The following GDF10 variants were observed in gnomAD, a reference collection of about 807,000 sequenced individuals.
GDF10 encodes the protein growth/differentiation factor 10.
In GDF10, 23 loss-of-function variants were observed where a neutral mutation model predicts 32.1. The ratio of observed to expected loss-of-function variants is 0.72; its 90% confidence interval spans 0.52 to 1.02. GDF10 has a LOEUF of 1.02. Ranked by LOEUF, GDF10 falls within the 50% of genes least tolerant of loss-of-function variation. The pLI, the probability that GDF10 is intolerant of heterozygous loss-of-function variation, is 0.00. For missense variants in GDF10, 764 were observed against 673.9 expected, an observed-to-expected ratio of 1.13 and a Z score of -1.48; for synonymous variants, 328 against 303.1, an observed-to-expected ratio of 1.08 and a Z score of -0.85.
chr10:47,304,407 G>GGAA (rs2061015710), intron 1 of GDF10, among the ~76,000 whole-genome samples: 1 of 151,846 alleles, frequency 6.6e-6, no homozygotes, highest in South Asian at 2.1e-4. Flanking sequence ...GAGAGAGGGA[G>GGAA]GAAGAGGAGA....
In GDF10 at chr10:47,308,661, T is replaced by C. The variant is rs2061031817; in HGVS notation, c.320-1135T>C. On this transcript the variant is annotated intron_variant, in intron 1 of 2. Coordinates refer to ENST00000580279, the MANE Select transcript of GDF10 (RefSeq NM_004962.5). ...GTCCCCCACACACACTTCCCGGGCT[T>C]GGGAGCCCTGCTCCTCTCCAGACGT... 2.0e-5 allele frequency among the ~76,000 whole-genome samples: 3 copies of C among 152,222 alleles called. No homozygotes were observed. The South Asian group carries it at 6.2e-4, about 32-fold the overall frequency.
Position 47,310,143 on chromosome 10 carries a change from G to A in GDF10, c.667G>A (p.Ala223Thr), listed in dbSNP as rs782399033. The A allele has an allele frequency of 1.2e-5, 19 of 1,611,576 alleles. No homozygotes were observed. The East Asian group carries it at 3.6e-4, about 30-fold the overall frequency. ...ARRDGELLLS[A>T]QLDSEERDPG... ...CCGGGATGGCGAGCTGCTCCTCTCCGCCCAGCTGGATTCTGAGGAGAGGGA... is the reference window on the plus strand; with the variant it reads ...CCGGGATGGCGAGCTGCTCCTCTCCACCCAGCTGGATTCTGAGGAGAGGGA... Residue 223 changes from alanine (A) to threonine (T), a missense_variant, in exon 2 of 3, where the codon GCC becomes ACC. Transcript: ENST00000580279.
In GDF10 at chr10:47,300,419, C is replaced by G. The variant is rs868943726; in HGVS notation, c.-233C>G. On this transcript the variant is annotated 5_prime_UTR_variant, in exon 1 of 3. Transcript: ENST00000580279. ...GGGCTCGGCTCGGCTCTGCGCTGCTCCGGACGGCTGTGACCGCTGGCCGGG... is the reference window on the plus strand; with the variant it reads ...GGGCTCGGCTCGGCTCTGCGCTGCTGCGGACGGCTGTGACCGCTGGCCGGG... 134 of 482,456 alleles carry G rather than the reference C, an allele frequency of 2.8e-4. 1 individual carries two copies. Among genetic ancestry groups the G allele is most frequent in the Middle Eastern group, 2.7e-3 (5 of 1,856 alleles). The allele number at this position is 482,456 out of a possible 1,614,324, so 29.9% of individuals were successfully genotyped here.
intron 1 of GDF10, among the ~76,000 whole-genome samples, chr10:47,302,923 T>C (rs1397842880): frequency 6.6e-6 from 1 of 152,248 alleles, no homozygotes; most frequent in Admixed American, 6.5e-5. Flanking sequence ...CTACCAGGTG[T>C]GTGCAGTGGC....
Position 47,312,681 on chromosome 10 carries a change from C to T in GDF10, c.1326C>T (p.Cys442=), listed in dbSNP as rs2061050980. ...VGIIPGIPEP[C]CVPDKMNSLG... ...TCATCCCTGGCATCCCAGAGCCCTG[C>T]TGTGTTCCCGATAAGATGAACTCCC... The change falls in exon 3 of 3, where the codon TGC becomes TGT. Residue 442 remains cysteine, a synonymous_variant. Coordinates refer to ENST00000580279, the MANE Select transcript of GDF10 (RefSeq NM_004962.5). 1 of 1,610,740 alleles carries T rather than the reference C, an allele frequency of 6.2e-7. No homozygotes were observed.
rs1203828044 is a variant in GDF10, at chr10:47,313,376, C to T, written c.*584C>T. ...ACAACAAAAAGGGAGGGCGTTGACA[C>T]CATTCCCCACAGAGATAGTCATGCT... On this transcript the variant is annotated 3_prime_UTR_variant, in exon 3 of 3. Coordinates refer to ENST00000580279, the MANE Select transcript of GDF10 (RefSeq NM_004962.5). 3 of 152,386 alleles carry T rather than the reference C, an allele frequency of 2.0e-5. No homozygotes were observed. The highest frequency in any genetic ancestry group is 7.2e-5 in the African/African-American group (3 of 41,390). 9.4% of individuals were successfully genotyped at this position (152,386 alleles called of 1,614,324 possible). A position where few individuals can be genotyped will look rare whatever the true frequency, so the allele number is the denominator to read the frequency against.
Position 47,312,887 on chromosome 10 carries a change from C to T in GDF10, c.*95C>T. On this transcript the variant is annotated 3_prime_UTR_variant, in exon 3 of 3. Coordinates refer to ENST00000580279, the MANE Select transcript of GDF10 (RefSeq NM_004962.5). ...TTGTGGTGCAGCTGCAGACACAGAG[C>T]ACAGCTCATGGGCAACATCACTGGG... 1.3e-6 allele frequency: 1 copy of T among 767,382 alleles called. No homozygotes were observed. The highest frequency in any genetic ancestry group is 2.2e-5 in the South Asian group (1 of 45,862). The allele number at this position is 767,382 out of a possible 1,614,324, so 47.5% of individuals were successfully genotyped here. A position where few individuals can be genotyped will look rare whatever the true frequency, so the allele number is the denominator to read the frequency against.
chr10:47,300,773 C>A lies in GDF10; in HGVS notation c.122C>A (p.Ser41Tyr), dbSNP rs45476393. 1 of 1,568,838 alleles carries A rather than the reference C, an allele frequency of 6.4e-7. No homozygotes were observed. The change falls in exon 1 of 3, where the codon TCC becomes TAC. Residue 41 changes from serine to tyrosine, a missense_variant. Physicochemically the swap from Ser to Tyr is moderately radical, Grantham distance 144. Coordinates refer to ENST00000580279, the MANE Select transcript of GDF10 (RefSeq NM_004962.5). ...GGCAGCCACAGGGCCCCCGCCTGGT[C>A]CGCACTGCCCGCGGCCGCCGACGGC... Reference protein sequence around the residue: ...VAGSHRAPAWSALPAAADGLQ... With the variant: ...VAGSHRAPAWYALPAAADGLQ...
At chr10:47,301,071 C>A (rs1322132886) in intron 1 of GDF10, 101 bp downstream of exon 1, 1 of 745,546 alleles carries the variant, frequency 1.3e-6, no homozygotes, top group Non-Finnish European at 2.0e-6. Flanking sequence ...TTCTAGCCAA[C>A]GGGTGAGTGG....
In GDF10 at chr10:47,310,324, C is replaced by T. The variant is rs2061040198; in HGVS notation, c.848C>T (p.Ser283Leu). 1.2e-6 allele frequency: 2 copies of T among 1,606,770 alleles called. No homozygotes were observed. Among genetic ancestry groups the T allele is most frequent in the Non-Finnish European group, 8.5e-7 (1 of 1,177,214 alleles). The change falls in exon 2 of 3, where the codon TCA becomes TTA. Residue 283 changes from serine to leucine, a missense_variant. Coordinates refer to ENST00000580279, the MANE Select transcript of GDF10 (RefSeq NM_004962.5). ...DPEPRAAPNN[S>L]ADPRVRRAAQ... ...GAGCCCCGCGCAGCCCCCAACAACT[C>T]AGCGGACCCCCGCGTGCGCCGAGCC...
rs1555207531 is a variant in GDF10 at position 47,310,128 on chromosome 10, G to A, written c.652G>A (p.Glu218Lys). The change falls in exon 2 of 3, where the codon GAG becomes AAG. Residue 218 changes from glutamate to lysine, a missense_variant. Coordinates refer to ENST00000580279, the MANE Select transcript of GDF10 (RefSeq NM_004962.5). ...CGTCAAGGCGGCCCGCCGGGATGGC[G>A]AGCTGCTCCTCTCCGCCCAGCTGGA... ...PIVKAARRDG[E>K]LLLSAQLDSE... The A allele has an allele frequency of 3.1e-6, 5 of 1,611,050 alleles. No homozygotes were observed. The highest frequency in any genetic ancestry group is 4.2e-6 in the Non-Finnish European group (5 of 1,179,272).
At position 47,309,816 on chromosome 10, in the gene GDF10, G is replaced by T. The variant is rs781793475; in HGVS notation, c.340G>T (p.Val114Leu). 1 of 1,609,750 alleles carries T rather than the reference G, an allele frequency of 6.2e-7. No individual in the cohort carries two copies. The change falls in exon 2 of 3, where the codon GTG becomes TTG. Residue 114 changes from valine to leucine, a missense_variant. Physicochemically the swap from Val to Leu is conservative, Grantham distance 32. Transcript: ENST00000580279. ...ARLEVVDQKA[V>L]YFFNLTSMQD... is the part of the protein sequence containing the mutation. ...CACAGAAGTGGTCGACCAGAAGGCC[G>T]TGTATTTCTTCAACCTGACTTCCAT...
At chr10:47,311,039 C>G (rs782124633) in intron 2 of GDF10, among the ~76,000 whole-genome samples, 4 of 152,216 alleles carry the variant, frequency 2.6e-5, no homozygotes, top group Non-Finnish European at 5.9e-5. Flanking sequence ...TAGCAACTAT[C>G]TGCAGAGGTT....
Position 47,310,401 on chromosome 10 carries a change from A to G in GDF10, c.925A>G (p.Arg309Gly). 6.2e-7 allele frequency: 1 copy of G among 1,610,088 alleles called. No individual in the cohort carries two copies. ...CAACGAGCTGCCGGGGCTGGATGAGAGGCCGCCGCGCGCCCACGCACAGCA... is the reference window on the plus strand; with the variant it reads ...CAACGAGCTGCCGGGGCTGGATGAGGGGCCGCCGCGCGCCCACGCACAGCA... The part of the protein sequence containing the change: ...QDNELPGLDE[R>G]PPRAHAQHFH... Residue 309 changes from arginine to glycine, a missense_variant, in exon 2 of 3, where the codon AGG becomes GGG. Coordinates refer to ENST00000580279, the MANE Select transcript of GDF10 (RefSeq NM_004962.5).
rs782269904 is a variant in GDF10 at position 47,301,116 on chromosome 10, C to G, written c.319+146C>G. ...TCTTTCACTAATGATTCACTGATCT[C>G]TCCATGCCAGGCCCTGAACCTCCAG... is the stretch of plus-strand genomic sequence containing the variant. On this transcript the variant is annotated intron_variant, in intron 1 of 2. Transcript: ENST00000580279. 244 of 623,876 alleles carry G rather than the reference C, an allele frequency of 3.9e-4. 1 individual carries two copies. Among genetic ancestry groups the G allele is most frequent in the Non-Finnish European group, 5.9e-4 (228 of 387,452 alleles). 38.6% of individuals were successfully genotyped at this position (623,876 alleles called of 1,614,324 possible).
In GDF10 at chr10:47,313,034, C is replaced by G. The variant is rs1555207933; in HGVS notation, c.*242C>G. 2.6e-6 allele frequency: 1 copy of G among 384,636 alleles called. No individual in the cohort carries two copies. Among genetic ancestry groups the G allele is most frequent in the East Asian group, 4.1e-5 (1 of 24,450 alleles). The allele number at this position is 384,636 out of a possible 1,614,324, so 23.8% of individuals were successfully genotyped here. A position where few individuals can be genotyped will look rare whatever the true frequency, so the allele number is the denominator to read the frequency against. On this transcript the variant is annotated 3_prime_UTR_variant, in exon 3 of 3. Transcript: ENST00000580279. ...GGAATTAGCCCTGGCCTGAAAGTGG[C>G]CCATCATTCATACCCACTGTTCTGA...
chr10:47,306,118 G>T (rs542138579), intron 1 of GDF10, among the ~76,000 whole-genome samples: 2 of 152,314 alleles, frequency 1.3e-5, no homozygotes, highest in South Asian at 4.1e-4. Context: ...TCCACAGAAT[G>T]AATGACCGCT....
rs935620608 is a variant in GDF10, at chr10:47,300,449, C to G, written c.-203C>G. ...CGGCTGTGACCGCTGGCCGGGGGCTCGGGCCGCCGGTACCCACGGACCGCG... is the reference window on the plus strand; with the variant it reads ...CGGCTGTGACCGCTGGCCGGGGGCTGGGGCCGCCGGTACCCACGGACCGCG... On this transcript the variant is annotated 5_prime_UTR_variant, in exon 1 of 3. Transcript: ENST00000580279. The G allele has an allele frequency of 5.9e-6, 3 of 506,250 alleles. No individual in the cohort carries two copies. In the East Asian group the frequency reaches 1.1e-4, roughly 18 times the overall value. 31.4% of individuals were successfully genotyped at this position (506,250 alleles called of 1,614,324 possible).
rs2061051116 is a variant in GDF10, at chr10:47,312,697, A to G, written c.1342A>G (p.Met448Val). ...IPEPCCVPDK[M>V]NSLGVLFLDE... ...AGAGCCCTGCTGTGTTCCCGATAAG[A>G]TGAACTCCCTTGGGGTCCTCTTCCT... Residue 448 changes from methionine (M) to valine (V), a missense_variant, in exon 3 of 3, where the codon ATG (methionine) becomes GTG (valine). Physicochemically the swap from Met to Val is conservative, Grantham distance 21 (BLOSUM62 1). Transcript: ENST00000580279. The G allele has an allele frequency of 6.2e-7, 1 of 1,610,556 alleles. No homozygotes were observed. Among genetic ancestry groups the G allele is most frequent in the South Asian group, 1.1e-5 (1 of 90,244 alleles).
Sources: allele counts gnomAD v4.1 joint callset (sites outside exome capture counted in the v4.1 genomes callset), GRCh38; gene constraint gnomAD v4.1.1; transcripts MANE v1.5; gene names NCBI Gene and HGNC (gene_info 2026-07-23, HGNC 2026-07-21).